LINGO2: variants seen among roughly 807,000 people sequenced by gnomAD.
The protein encoded by LINGO2 is leucine rich repeat and Ig domain containing 2, also known as leucine-rich repeat and immunoglobulin-like domain-containing nogo receptor-interacting protein 2.
Under a neutral mutation model 30.6 loss-of-function variants are expected in LINGO2, and 14 were observed. The observed-to-expected ratio is 0.46, with a 90% confidence interval of 0.30 to 0.72. LINGO2 has a LOEUF of 0.72. Among genes scored for constraint, LINGO2 ranks in the 30% least tolerant of loss-of-function variants. LINGO2 has a pLI of 0.07. For synonymous variants in LINGO2, 317 were observed against 288.5 expected, an observed-to-expected ratio of 1.10 and a Z score of -1.00; for missense variants, 729 against 751.7, an observed-to-expected ratio of 0.97 and a Z score of 0.35.
At chr9:29,077,074 A>G in the LINGO2 span, among the ~76,000 whole-genome samples, 1 of 152,084 alleles carries the variant, frequency 6.6e-6, no homozygotes, top group African/African-American at 2.4e-5. Flanking sequence ...AAACATAAGG[A>G]AATGGCAAAC....
chr9:28,863,608 C>CTCGGTGGTCGCCGTATCATTAAA, the LINGO2 span: 1 of 527,482 alleles, frequency 1.9e-6, no homozygotes, highest in South Asian at 1.4e-5. Context: ...TGGTGTAGAT[C>CTCGGTGGTCGCCGTATCATTAAA]AACTGCAGAA....
chr9:29,211,707 G>A, the LINGO2 span, among the ~76,000 whole-genome samples: 1 of 152,196 alleles, frequency 6.6e-6, no homozygotes, highest in Admixed American at 6.5e-5. Flanking sequence ...AGGTGAAGAG[G>A]AAAAGAAGAG....
intron 3 of LINGO2, among the ~76,000 whole-genome samples, chr9:28,318,279 A>G (rs751196671): frequency 2.6e-5 from 4 of 152,240 alleles, no homozygotes; most frequent in Non-Finnish European, 5.9e-5. Context: ...ATTGTAAATT[A>G]GCACTTGAAA....
At chr9:28,230,110 G>T (rs930843448) in intron 4 of LINGO2, among the ~76,000 whole-genome samples, 1 of 151,790 alleles carries the variant, frequency 6.6e-6, no homozygotes, top group African/African-American at 2.4e-5. Context: ...CACATTTATT[G>T]TTCTAAAAAC....
chr9:28,018,906 T>G (rs1344239364), intron 4 of LINGO2, among the ~76,000 whole-genome samples: 1 of 152,120 alleles, frequency 6.6e-6, no homozygotes, highest in African/African-American at 2.4e-5. Flanking sequence ...GCAGCACTAT[T>G]CACAAGATGA....
chr9:28,340,393 C>A (rs1825729567), intron 3 of LINGO2, among the ~76,000 whole-genome samples: 1 of 152,030 alleles, frequency 6.6e-6, no homozygotes, highest in Non-Finnish European at 1.5e-5. Flanking sequence ...TCATGGAATG[C>A]ATAAAATCGA....
At chr9:29,095,538 C>T in the LINGO2 span, among the ~76,000 whole-genome samples, 111 of 138,486 alleles carry the variant, frequency 8.0e-4, 18 homozygotes, top group Non-Finnish European at 1.3e-3. Context: ...AATGCATGTG[C>T]TCACTGAACC....
the LINGO2 span, among the ~76,000 whole-genome samples, chr9:28,904,613 C>T: frequency 4.0e-4 from 61 of 151,692 alleles, no homozygotes; most frequent in Middle Eastern, 3.4e-3. Context: ...AAAATAGATA[C>T]AAAAAAACTT....
At chr9:29,095,638 G>C in the LINGO2 span, among the ~76,000 whole-genome samples, 33,706 of 136,986 alleles carry the variant, frequency 0.25, 8,605 homozygotes, top group African/African-American at 0.29. Flanking sequence ...TATAATTGAG[G>C]CTTCTACAAT....
chr9:28,929,654 T>TC, the LINGO2 span, among the ~76,000 whole-genome samples: 1 of 152,116 alleles, frequency 6.6e-6, no homozygotes, highest in Non-Finnish European at 1.5e-5. Context: ...CACATTTCTT[T>TC]CCCCCATGAC....
chr9:28,247,613 G>C (rs190265136), intron 4 of LINGO2, among the ~76,000 whole-genome samples: 13 of 152,078 alleles, frequency 8.5e-5, no homozygotes, highest in African/African-American at 1.7e-4. Flanking sequence ...GGGACAAAGT[G>C]GGGGAGAGCA....
intron 1 of LINGO2, among the ~76,000 whole-genome samples, chr9:28,588,633 G>T (rs955120010): frequency 4.3e-5 from 6 of 139,406 alleles, no homozygotes; most frequent in Non-Finnish European, 4.6e-5. Flanking sequence ...AAACATGACG[G>T]TGTGGGCATG....
chr9:28,660,561 T>C (rs1250175431), intron 1 of LINGO2, among the ~76,000 whole-genome samples: 1 of 152,076 alleles, frequency 6.6e-6, no homozygotes, highest in Non-Finnish European at 1.5e-5. Flanking sequence ...GGTAAAAATG[T>C]AGCCTAAAAT....
At chr9:28,884,931 T>TTA in the LINGO2 span, among the ~76,000 whole-genome samples, 4,507 of 12,020 alleles carry the variant, frequency 0.37, 622 homozygotes, top group Non-Finnish European at 0.51. Context: ...ATATATAATA[T>TTA]TATATATAAT....
chr9:28,930,611 C>A, the LINGO2 span, among the ~76,000 whole-genome samples: 1 of 152,070 alleles, frequency 6.6e-6, no homozygotes, highest in Admixed American at 6.6e-5. The surrounding 1 kb of genome is among the most constrained non-coding windows in gnomAD (Gnocchi z 4.2). Context: ...GCAGAAGTAT[C>A]TTTTATCTTT....
the LINGO2 span, among the ~76,000 whole-genome samples, chr9:28,760,047 C>T: frequency 1.3e-5 from 2 of 151,814 alleles, no homozygotes; most frequent in African/African-American, 4.8e-5. Context: ...ACTGTATAGA[C>T]AATTATAATA....
At chr9:28,586,005 G>A (rs1040263994) in intron 1 of LINGO2, among the ~76,000 whole-genome samples, 8 of 148,576 alleles carry the variant, frequency 5.4e-5, no homozygotes, top group African/African-American at 2.0e-4. Context: ...CTTCTGTGTG[G>A]GCTTTTCCAC....
intron 2 of LINGO2, among the ~76,000 whole-genome samples, chr9:28,458,620 TTC>T (rs1824948108): frequency 6.6e-6 from 1 of 152,290 alleles, no homozygotes; most frequent in African/African-American, 2.4e-5. Context: ...GAAGTTCCCC[TTC>T]CAAAATTCAC....
At chr9:29,060,085 T>C in the LINGO2 span, among the ~76,000 whole-genome samples, 1 of 152,058 alleles carries the variant, frequency 6.6e-6, no homozygotes, top group Non-Finnish European at 1.5e-5. Context: ...GACTCACAAG[T>C]AATTGAATAT....
Sources: allele counts gnomAD v4.1 joint callset (sites outside exome capture counted in the v4.1 genomes callset), GRCh38; gene constraint gnomAD v4.1.1; non-coding constraint Gnocchi (gnomAD v3.1); transcripts MANE v1.5; gene names NCBI Gene and HGNC (gene_info 2026-07-23, HGNC 2026-07-21).